NPAS3: variants seen among roughly 807,000 people sequenced by gnomAD.
NPAS3 encodes the protein neuronal PAS domain-containing protein 3.
A neutral mutation model predicts 73.1 loss-of-function variants in NPAS3; 14 were observed. The observed-to-expected ratio is 0.19, with a 90% CI of 0.13 to 0.30. NPAS3 has a LOEUF of 0.30. Ranked by LOEUF, NPAS3 falls within the 10% of genes least tolerant of loss-of-function variation. The pLI, the probability that NPAS3 is intolerant of heterozygous loss-of-function variation, is 1.00. For synonymous variants in NPAS3, 620 were observed against 541.5 expected (o/e 1.14, Z -2.01); for missense variants, 1,096 against 1,250.0 (o/e 0.88, Z 1.86).
intron 5 of NPAS3, among the ~76,000 whole-genome samples, chr14:33,574,205 C>T (rs899749196): frequency 2.6e-5 from 4 of 152,004 alleles, no homozygotes; most frequent in African/African-American, 9.7e-5. Context: ...GCTGAGAAGG[C>T]AAGCCTCAGA....
At chr14:33,281,837 T>C (rs778565573) in intron 3 of NPAS3, among the ~76,000 whole-genome samples, 22 of 152,206 alleles carry the variant, frequency 1.4e-4, no homozygotes, top group Non-Finnish European at 2.8e-4. Flanking sequence ...GTAGTATGCG[T>C]TGGCCACAGG....
At chr14:33,375,222 G>C (rs73258886) in intron 4 of NPAS3, among the ~76,000 whole-genome samples, 1 of 152,162 alleles carries the variant, frequency 6.6e-6, no homozygotes. Context: ...CTATGATCCA[G>C]AATGGTAAGA....
Position 33,203,900 on chromosome 14 carries a change from C to T in NPAS3, c.141-11282C>T, listed in dbSNP as rs571264606. On this transcript the variant is annotated intron_variant, in intron 2 of 11. Coordinates refer to ENST00000356141, the Ensembl canonical transcript of NPAS3. ...CTAGATCCCTGAGGAATCGCCACACCGACTTCCACAACGGTTGAACTAGTT... is the reference window on the plus strand; with the variant it reads ...CTAGATCCCTGAGGAATCGCCACACTGACTTCCACAACGGTTGAACTAGTT... Among the ~76,000 whole-genome samples, 61 of 152,220 alleles carry T rather than the reference C, an allele frequency of 4.0e-4. 1 individual carries two copies. Among genetic ancestry groups the T allele is most frequent in the Middle Eastern group, 6.8e-3 (2 of 294 alleles).
intron 5 of NPAS3, among the ~76,000 whole-genome samples, chr14:33,573,528 T>TA (rs142820001): frequency 0.024 from 3,606 of 152,284 alleles, 166 homozygotes; most frequent in East Asian, 0.21. Context: ...GAAGAAAAAG[T>TA]AACGCTTTTG....
chr14:33,368,322 AAAG>A (rs1273202388), intron 4 of NPAS3, among the ~76,000 whole-genome samples: 1 of 151,836 alleles, frequency 6.6e-6, no homozygotes, highest in Non-Finnish European at 1.5e-5. Flanking sequence ...AAAAAAAAAA[AAAG>A]AAGAAAAAAT....
chr14:33,042,077 A>T (rs1039283067), intron 1 of NPAS3, among the ~76,000 whole-genome samples: 2 of 152,146 alleles, frequency 1.3e-5, no homozygotes, highest in Non-Finnish European at 2.9e-5. Context: ...TCTATGGGGC[A>T]ATTGGGCCGG....
chr14:33,126,405 C>T (rs2043427523), intron 2 of NPAS3, among the ~76,000 whole-genome samples: 1 of 152,102 alleles, frequency 6.6e-6, no homozygotes, highest in African/African-American at 2.4e-5. Context: ...AGCTTTCTTG[C>T]ACTGGGAAAT....
At chr14:33,106,376 A>G (rs1271517570) in intron 2 of NPAS3, among the ~76,000 whole-genome samples, 1 of 152,140 alleles carries the variant, frequency 6.6e-6, no homozygotes, top group Non-Finnish European at 1.5e-5. Context: ...ATTAAATGCC[A>G]CCTTCTCCAT....
At chr14:33,274,651 T>A (rs1023487469) in intron 3 of NPAS3, among the ~76,000 whole-genome samples, 2 of 152,160 alleles carry the variant, frequency 1.3e-5, no homozygotes, top group African/African-American at 4.8e-5. Context: ...GCACAAGCTT[T>A]ATAAAACTCA....
chr14:33,407,394 A>G (rs2047714339), intron 4 of NPAS3, among the ~76,000 whole-genome samples: 1 of 152,144 alleles, frequency 6.6e-6, no homozygotes, highest in Non-Finnish European at 1.5e-5. Flanking sequence ...TCCTGAACTG[A>G]TGTGGCATTT....
At chr14:33,611,526 G>C (rs1440431861) in intron 5 of NPAS3, among the ~76,000 whole-genome samples, 2 of 149,712 alleles carry the variant, frequency 1.3e-5, no homozygotes, top group Non-Finnish European at 2.9e-5. Flanking sequence ...TAAAATGAAA[G>C]GGGAGTCTTA....
At chr14:33,658,766 T>C (rs1047165572) in intron 5 of NPAS3, among the ~76,000 whole-genome samples, 2 of 152,162 alleles carry the variant, frequency 1.3e-5, no homozygotes, top group Non-Finnish European at 2.9e-5. Flanking sequence ...CAAAGGCAGC[T>C]GTCTTTTGGT....
At chr14:33,531,706 T>C (rs2054051925) in intron 4 of NPAS3, among the ~76,000 whole-genome samples, 2 of 152,120 alleles carry the variant, frequency 1.3e-5, no homozygotes, top group Non-Finnish European at 2.9e-5. Context: ...GAGTAGGGCT[T>C]CTGCATTACG....
chr14:33,441,390 AAAAAGAT>A (rs1475783226), intron 4 of NPAS3, among the ~76,000 whole-genome samples: 1 of 125,928 alleles, frequency 7.9e-6, no homozygotes, highest in Non-Finnish European at 1.6e-5. Flanking sequence ...AAAGTAGAAA[AAAAAGAT>A]AAAAGAATCT....
intron 6 of NPAS3, among the ~76,000 whole-genome samples, chr14:33,699,565 C>T (rs1420811934): frequency 6.6e-6 from 1 of 152,222 alleles, no homozygotes; most frequent in East Asian, 1.9e-4. Flanking sequence ...TAACCTCTGG[C>T]AACAAATAGT....
chr14:33,025,158 T>C (rs1251480779), intron 1 of NPAS3, among the ~76,000 whole-genome samples: 1 of 152,122 alleles, frequency 6.6e-6, no homozygotes, highest in Non-Finnish European at 1.5e-5. Flanking sequence ...ATCACTGAGA[T>C]TTTAGAAAGT....
chr14:33,549,864 A>G (rs141691870), intron 4 of NPAS3, among the ~76,000 whole-genome samples: 21 of 152,306 alleles, frequency 1.4e-4, no homozygotes, highest in African/African-American at 4.3e-4. Flanking sequence ...AATTCAAGTA[A>G]TGAATGGCCA....
chr14:33,668,325 G>C (rs911813552), intron 5 of NPAS3, among the ~76,000 whole-genome samples: 5 of 152,098 alleles, frequency 3.3e-5, no homozygotes, highest in Non-Finnish European at 7.4e-5. Flanking sequence ...TGTATGATTT[G>C]TGCATTTTAT....
chr14:32,937,783 A>C (rs1485097423), upstream of NPAS3, among the ~76,000 whole-genome samples: 1 of 152,160 alleles, frequency 6.6e-6, no homozygotes, highest in Non-Finnish European at 1.5e-5. Context: ...GCTTTCATTC[A>C]TTCAAAGTGG....
Sources: gnomAD v4.1 joint callset for allele counts (sites outside exome capture counted in the v4.1 genomes callset) on GRCh38, gnomAD v4.1.1 for gene constraint, MANE v1.5 for transcripts, NCBI Gene and HGNC (gene_info 2026-07-23, HGNC 2026-07-21) for gene names.